Variants in TENM3 observed in about 807,000 individuals in gnomAD.
TENM3 encodes the protein teneurin-3.
In TENM3, 63 loss-of-function variants were observed where a neutral mutation model predicts 255.1. That is an observed-to-expected ratio of 0.25 (90% CI 0.20 to 0.30). The LOEUF (loss-of-function observed/expected upper bound fraction) is 0.30, where lower values mean the gene tolerates loss of function less well. TENM3 is among the 10% of genes least tolerant of loss of function. The probability of loss-of-function intolerance (pLI) is 1.00; values close to 1 mark genes in which losing one functional copy is unlikely to be tolerated. For synonymous variants in TENM3, 1,306 were observed against 1,322.3 expected (o/e 0.99, Z 0.27); for missense variants, 2,929 against 3,461.1 (o/e 0.85, Z 3.86).
the TENM3 span, among the ~76,000 whole-genome samples, chr4:182,110,009 G>T: frequency 6.6e-6 from 1 of 151,640 alleles, no homozygotes; most frequent in Non-Finnish European, 1.5e-5. Flanking sequence ...TTTTACGTGG[G>T]AGGCTGAGGC....
the TENM3 span, among the ~76,000 whole-genome samples, chr4:181,599,180 G>A: frequency 6.6e-6 from 1 of 152,114 alleles, no homozygotes; most frequent in Non-Finnish European, 1.5e-5. Context: ...GAGAATAAAG[G>A]AACCACATTG....
the TENM3 span, among the ~76,000 whole-genome samples, chr4:181,571,596 C>T: frequency 3.3e-5 from 5 of 152,182 alleles, no homozygotes; most frequent in South Asian, 1.0e-3. Context: ...CCTCAGCCTT[C>T]CAAAGCACTG....
At chr4:182,173,655 G>A (rs2149704139) in intron 1 of TENM3, among the ~76,000 whole-genome samples, 1 of 152,236 alleles carries the variant, frequency 6.6e-6, no homozygotes, top group South Asian at 2.1e-4. Flanking sequence ...TTGGAGGAGA[G>A]CCTTTATACT....
chr4:181,584,381 C>T, the TENM3 span, among the ~76,000 whole-genome samples: 1 of 152,138 alleles, frequency 6.6e-6, no homozygotes, highest in Non-Finnish European at 1.5e-5. Flanking sequence ...GTCCTCTTAC[C>T]TAACTGTCCA....
At chr4:181,840,539 A>AGGCT in the TENM3 span, among the ~76,000 whole-genome samples, 4 of 152,268 alleles carry the variant, frequency 2.6e-5, no homozygotes, top group Admixed American at 1.3e-4. Flanking sequence ...TACGGACAGT[A>AGGCT]GGCTGCAACT....
At chr4:181,463,860 T>C in the TENM3 span, among the ~76,000 whole-genome samples, 1 of 152,168 alleles carries the variant, frequency 6.6e-6, no homozygotes, top group Non-Finnish European at 1.5e-5. Context: ...TCAATGTCTG[T>C]TGATGTGCCT....
At chr4:181,719,219 T>A in the TENM3 span, among the ~76,000 whole-genome samples, 1 of 150,334 alleles carries the variant, frequency 6.7e-6, no homozygotes, top group African/African-American at 2.4e-5. Context: ...TCTCAAAAAA[T>A]AAATAAATAA....
the TENM3 span, among the ~76,000 whole-genome samples, chr4:181,870,750 T>C: frequency 2.6e-5 from 4 of 152,168 alleles, no homozygotes; most frequent in African/African-American, 9.6e-5. Flanking sequence ...TTTCATTCAG[T>C]TAGTGACTTG....
chr4:182,123,914 C>T, the TENM3 span, among the ~76,000 whole-genome samples: 1 of 152,168 alleles, frequency 6.6e-6, no homozygotes, highest in African/African-American at 2.4e-5. Flanking sequence ...CAAATAAGAC[C>T]ACCAAGGGTT....
intron 1 of TENM3, among the ~76,000 whole-genome samples, chr4:182,199,092 AATGCTGCC>A (rs1235977940): frequency 6.6e-6 from 1 of 152,198 alleles, no homozygotes; most frequent in African/African-American, 2.4e-5. Context: ...AGCTGGTAGA[AATGCTGCC>A]ATAAGCCTAG....
At chr4:181,810,438 A>T in the TENM3 span, among the ~76,000 whole-genome samples, 2 of 151,946 alleles carry the variant, frequency 1.3e-5, no homozygotes, top group African/African-American at 4.8e-5. Context: ...AAAATCTAAA[A>T]TTATTAGATT....
At chr4:181,738,486 A>G in the TENM3 span, among the ~76,000 whole-genome samples, 2 of 152,266 alleles carry the variant, frequency 1.3e-5, no homozygotes, top group African/African-American at 4.8e-5. Context: ...CCCATCGTCT[A>G]TAACCTTTCT....
At chr4:181,602,601 C>G in the TENM3 span, among the ~76,000 whole-genome samples, 1 of 152,154 alleles carries the variant, frequency 6.6e-6, no homozygotes, top group Non-Finnish European at 1.5e-5. Flanking sequence ...AAGTCATCCA[C>G]TCTTGAGAAC....
chr4:182,423,556 A>G (rs1770994116), intron 3 of TENM3, among the ~76,000 whole-genome samples: 1 of 152,190 alleles, frequency 6.6e-6, no homozygotes, highest in South Asian at 2.1e-4. Context: ...CAAAGAAACT[A>G]AAAGTTAGAA....
intron 3 of TENM3, among the ~76,000 whole-genome samples, chr4:182,510,642 G>T (rs1049639673): frequency 6.6e-6 from 1 of 152,192 alleles, no homozygotes; most frequent in Admixed American, 6.5e-5. Flanking sequence ...ACTAGGAAGT[G>T]CAGGGCTGAG....
At chr4:182,404,859 A>G (rs115899524) in intron 3 of TENM3, among the ~76,000 whole-genome samples, 65 of 152,350 alleles carry the variant, frequency 4.3e-4, no homozygotes, top group African/African-American at 1.5e-3. Flanking sequence ...CTGTGAGCTG[A>G]GGACAAGGCC....
the TENM3 span, among the ~76,000 whole-genome samples, chr4:182,026,887 G>A: frequency 1.3e-5 from 2 of 152,052 alleles, no homozygotes; most frequent in African/African-American, 4.8e-5. Context: ...TTTGAAGTCA[G>A]GTAATATAAT....
At chr4:182,581,701 C>T (rs1379751112) in intron 3 of TENM3, among the ~76,000 whole-genome samples, 2 of 152,062 alleles carry the variant, frequency 1.3e-5, no homozygotes, top group African/African-American at 4.8e-5. Context: ...TGCGCCATTA[C>T]ACTCCAGCCT....
At chr4:182,312,277 G>C (rs1022565415) in intron 1 of TENM3, among the ~76,000 whole-genome samples, 6 of 152,158 alleles carry the variant, frequency 3.9e-5, no homozygotes, top group African/African-American at 1.4e-4. Context: ...CCTGAGAATT[G>C]CTTGAGTCTG....
Sources: allele counts gnomAD v4.1 joint callset (sites outside exome capture counted in the v4.1 genomes callset), GRCh38; gene constraint gnomAD v4.1.1; transcripts MANE v1.5; gene names NCBI Gene and HGNC (gene_info 2026-07-23, HGNC 2026-07-21).